Variants in VPS13B observed in about 807,000 individuals in gnomAD.
The protein encoded by VPS13B is intermembrane lipid transfer protein VPS13B.
Under a neutral mutation model 426.4 loss-of-function variants are expected in VPS13B, and 285 were observed. The observed-to-expected ratio is 0.67, with a 90% CI of 0.61 to 0.74. VPS13B has a LOEUF of 0.74. Ranked by LOEUF, VPS13B falls within the 30% of genes least tolerant of loss-of-function variation. The pLI, the probability that VPS13B is intolerant of heterozygous loss-of-function variation, is 0.00. For missense variants in VPS13B, 4,537 were observed against 4,782.6 expected, an observed-to-expected ratio of 0.95 and a Z score of 1.51; for synonymous variants, 1,676 against 1,676.4, an observed-to-expected ratio of 1.00 and a Z score of 0.01.
chr8:99,221,564 A>G (rs1481866568), intron 17 of VPS13B, among the ~76,000 whole-genome samples: 2 of 152,222 alleles, frequency 1.3e-5, no homozygotes, highest in Admixed American at 6.5e-5. Flanking sequence ...ACAGAAAAAA[A>G]CATACATCTA....
At chr8:99,687,207 C>T (rs1831450927) in intron 35 of VPS13B, among the ~76,000 whole-genome samples, 1 of 151,890 alleles carries the variant, frequency 6.6e-6, no homozygotes, top group South Asian at 2.1e-4. Context: ...GGTGCCTTAT[C>T]CTGCTGTGGC....
intron 21 of VPS13B, among the ~76,000 whole-genome samples, chr8:99,418,465 T>TTC (rs1412956775): frequency 1.7e-5 from 2 of 120,170 alleles, no homozygotes; most frequent in African/African-American, 6.7e-5. Flanking sequence ...TTTTCTTTCT[T>TTC]TCTTTCTTTC....
intron 16 of VPS13B, among the ~76,000 whole-genome samples, chr8:99,191,364 GTC>G (rs199858704): frequency 1.3e-3 from 169 of 129,782 alleles, no homozygotes; most frequent in Non-Finnish European, 2.1e-3. Flanking sequence ...AGTTATTTTA[GTC>G]TCTCTCTCTC....
At chr8:99,416,730 A>T (rs955937021) in intron 21 of VPS13B, among the ~76,000 whole-genome samples, 3 of 151,216 alleles carry the variant, frequency 2.0e-5, no homozygotes, top group African/African-American at 7.3e-5. Flanking sequence ...GCTTCGGCTC[A>T]CCCTCCCTGG....
chr8:99,138,655 G>A (rs749272307), intron 12 of VPS13B, among the ~76,000 whole-genome samples: 2 of 152,218 alleles, frequency 1.3e-5, no homozygotes, highest in Admixed American at 6.5e-5. Flanking sequence ...GAAAAGATGA[G>A]TTTTGAGATA....
intron 25 of VPS13B, among the ~76,000 whole-genome samples, chr8:99,500,454 C>A (rs1001193297): frequency 6.6e-6 from 1 of 152,060 alleles, no homozygotes; most frequent in African/African-American, 2.4e-5. Context: ...TCTTCATTCA[C>A]ATTCATATTT....
chr8:99,455,755 T>A (rs896152883), intron 23 of VPS13B, among the ~76,000 whole-genome samples: 6 of 152,314 alleles, frequency 3.9e-5, no homozygotes, highest in African/African-American at 1.4e-4. Context: ...TTCTTTCACT[T>A]GGTGTAACAT....
rs183527688 is a variant in VPS13B at position 99,294,489 on chromosome 8, A to G, written c.2824+19235A>G. 7.9e-3 allele frequency among the ~76,000 whole-genome samples: 1,194 copies of G among 150,596 alleles called. 13 individuals carry two copies. Among genetic ancestry groups the G allele is most frequent in the African/African-American group, 0.028 (1,130 of 40,928 alleles). On this transcript the variant is annotated intron_variant, in intron 19 of 61. Transcript: ENST00000357162. ...GCACCAGCATGGCACATGTATACATATGTAACTAACCTGCACAATGTGCAC... is the reference window on the plus strand; with the variant it reads ...GCACCAGCATGGCACATGTATACATGTGTAACTAACCTGCACAATGTGCAC...
intron 17 of VPS13B, among the ~76,000 whole-genome samples, chr8:99,232,557 G>A (rs2132860008): frequency 6.6e-6 from 1 of 152,256 alleles, no homozygotes; most frequent in Middle Eastern, 3.4e-3. Flanking sequence ...GGAATTAGTT[G>A]AGTTATTTGA....
intron 19 of VPS13B, among the ~76,000 whole-genome samples, chr8:99,379,067 A>G (rs1813651346): frequency 6.6e-6 from 1 of 152,164 alleles, no homozygotes; most frequent in East Asian, 1.9e-4. Flanking sequence ...GCAGCATTAG[A>G]TTCTCAAAGG....
intron 33 of VPS13B, among the ~76,000 whole-genome samples, chr8:99,624,017 T>A (rs868254079): frequency 0.049 from 5,548 of 114,086 alleles, 91 homozygotes; most frequent in East Asian, 0.2. Context: ...ATTTTTTTTT[T>A]TTTTTTTTTT....
At chr8:99,150,474 T>C (rs1252526610) in intron 14 of VPS13B, among the ~76,000 whole-genome samples, 1 of 152,196 alleles carries the variant, frequency 6.6e-6, no homozygotes, top group Non-Finnish European at 1.5e-5. Flanking sequence ...TATATAATTA[T>C]CTGCTATAAC....
intron 30 of VPS13B, among the ~76,000 whole-genome samples, chr8:99,544,840 C>T (rs1823876929): frequency 6.6e-6 from 1 of 152,154 alleles, no homozygotes; most frequent in Non-Finnish European, 1.5e-5. Flanking sequence ...ATTTAGATAG[C>T]ATTTTACAGG....
At chr8:99,084,420 A>G (rs1845655818) in intron 3 of VPS13B, among the ~76,000 whole-genome samples, 1 of 151,918 alleles carries the variant, frequency 6.6e-6, no homozygotes, top group Non-Finnish European at 1.5e-5. Flanking sequence ...GGATTCTTTA[A>G]TTTTTTGAAG....
At chr8:99,667,433 G>T (rs1422191729) in intron 35 of VPS13B, among the ~76,000 whole-genome samples, 1 of 152,080 alleles carries the variant, frequency 6.6e-6, no homozygotes, top group Admixed American at 6.6e-5. Flanking sequence ...CTTTGATTAT[G>T]GAAAATCAAA....
intron 19 of VPS13B, among the ~76,000 whole-genome samples, chr8:99,316,492 A>G (rs1290025268): frequency 1.3e-5 from 2 of 151,716 alleles, no homozygotes; most frequent in African/African-American, 4.8e-5. Flanking sequence ...GTTTCCCAGC[A>G]CCTCCCTATG....
intron 21 of VPS13B, among the ~76,000 whole-genome samples, chr8:99,416,195 C>T (rs376478296): frequency 4.6e-4 from 70 of 152,298 alleles, no homozygotes; most frequent in Admixed American, 1.8e-3. Context: ...TCAGACTTCC[C>T]GATGGCTTTG....
intron 43 of VPS13B, among the ~76,000 whole-genome samples, chr8:99,794,079 A>G (rs373485350): frequency 3.3e-5 from 5 of 152,246 alleles, no homozygotes; most frequent in African/African-American, 1.2e-4. Flanking sequence ...GGGGCAACAT[A>G]GCAAGACCCT....
chr8:99,641,506 A>G (rs1588578995), intron 33 of VPS13B, among the ~76,000 whole-genome samples: 2 of 152,318 alleles, frequency 1.3e-5, no homozygotes, highest in Admixed American at 6.5e-5. Context: ...CTTTAAAGAG[A>G]CATTTTAAAA....
Sources: allele counts gnomAD v4.1 joint callset (sites outside exome capture counted in the v4.1 genomes callset), GRCh38; gene constraint gnomAD v4.1.1; transcripts MANE v1.5; gene names NCBI Gene and HGNC (gene_info 2026-07-23, HGNC 2026-07-21).